The following NAALADL2 variants were observed in gnomAD, a reference collection of about 807,000 sequenced individuals.
The protein encoded by NAALADL2 is N-acetylated alpha-linked acidic dipeptidase like 2, also known as inactive N-acetylated-alpha-linked acidic dipeptidase-like protein 2.
In NAALADL2, 76 loss-of-function variants were observed where a neutral mutation model predicts 87.2. The ratio of observed to expected loss-of-function variants is 0.87; its 90% CI spans 0.72 to 1.05. The LOEUF (loss-of-function observed/expected upper bound fraction) is 1.05, where lower values mean the gene tolerates loss of function less well. Among genes scored for constraint, NAALADL2 ranks in the 50% least tolerant of loss-of-function variants. The pLI, the probability that NAALADL2 is intolerant of heterozygous loss-of-function variation, is 0.00. For missense variants in NAALADL2, 1,089 were observed against 945.8 expected (o/e 1.15, Z -1.99); for synonymous variants, 354 against 331.0 (o/e 1.07, Z -0.75).
In NAALADL2 at chr3:174,541,265, A is replaced by T. The variant is rs374987053; in HGVS notation, c.-183-9304A>T. Among the ~76,000 whole-genome samples the T allele has an allele frequency of 1.1e-4, 17 of 152,350 alleles. 1 individual carries two copies. The South Asian group carries it at 3.3e-3, about 30-fold the overall frequency. ...TTGGGAATGAAGTGAGATATGAGTT[A>T]TCAAGAGAATTTTCTCACAAATTCT... On this transcript the variant is annotated intron_variant, in intron 1 of 3. Coordinates refer to the NAALADL2 transcript ENST00000434257.
At chr3:175,419,522 T>C (rs1253671996) in intron 5 of NAALADL2, among the ~76,000 whole-genome samples, 2 of 152,126 alleles carry the variant, frequency 1.3e-5, no homozygotes, top group East Asian at 3.9e-4. Flanking sequence ...ACCATTTCTA[T>C]CTTCCAGTAT....
intron 5 of NAALADL2, among the ~76,000 whole-genome samples, chr3:175,356,122 T>C (rs1359306491): frequency 6.6e-6 from 1 of 152,160 alleles, no homozygotes; most frequent in Non-Finnish European, 1.5e-5. Context: ...CAGTGTTTAC[T>C]AAATGCCTTC....
In NAALADL2 at chr3:175,447,465, C is replaced by A. The variant is rs1428973089; in HGVS notation, c.1234+93C>A. 11 of 818,558 alleles carry A rather than the reference C, an allele frequency of 1.3e-5. No individual in the cohort carries two copies. In the East Asian group the frequency reaches 3.5e-4, roughly 26 times the overall value. 50.7% of individuals were successfully genotyped at this position (818,558 alleles called of 1,614,324 possible). ...CTAAATTGATGTATGTAGGATTATTCTTTTCAAAAACATTGACTTTTGATG... is the reference window on the plus strand; with the variant it reads ...CTAAATTGATGTATGTAGGATTATTATTTTCAAAAACATTGACTTTTGATG... On this transcript the variant is annotated intron_variant, in intron 6 of 13. Coordinates refer to ENST00000454872, the MANE Select transcript of NAALADL2 (RefSeq NM_207015.3).
chr3:175,474,826 T>G (rs1461798862), intron 9 of NAALADL2, among the ~76,000 whole-genome samples: 1 of 152,060 alleles, frequency 6.6e-6, no homozygotes, highest in African/African-American at 2.4e-5. Flanking sequence ...GAAGGTTTTT[T>G]CTTGTGTAGA....
chr3:174,521,151 T>C (rs77905644), intron 1 of NAALADL2, among the ~76,000 whole-genome samples: 12,142 of 152,186 alleles, frequency 0.08, 1,179 homozygotes, highest in East Asian at 0.42. Context: ...GCAATCCCAC[T>C]ACTGTTTATC....
At chr3:174,839,264 A>G (rs1723735425) in intron 3 of NAALADL2, among the ~76,000 whole-genome samples, 2 of 152,174 alleles carry the variant, frequency 1.3e-5, no homozygotes, top group South Asian at 4.1e-4. Context: ...TATTCAACAA[A>G]TGGTACTGGG....
chr3:174,504,295 A>C (rs73881188), intron 1 of NAALADL2, among the ~76,000 whole-genome samples: 1 of 152,112 alleles, frequency 6.6e-6, no homozygotes, highest in Admixed American at 6.5e-5. Context: ...CAATACCCCA[A>C]TGCAAATGTT....
chr3:175,787,346 G>A (rs1257179118), intron 13 of NAALADL2, among the ~76,000 whole-genome samples: 11 of 152,128 alleles, frequency 7.2e-5, no homozygotes, highest in Admixed American at 5.9e-4. Flanking sequence ...TCAGACTGCT[G>A]TGCTAGCAAT....
chr3:174,683,223 A>G (rs562405067), intron 2 of NAALADL2, among the ~76,000 whole-genome samples: 2 of 152,324 alleles, frequency 1.3e-5, no homozygotes, highest in South Asian at 4.1e-4. Flanking sequence ...AGACAAAAGA[A>G]AAAAGAATAA....
intron 5 of NAALADL2, among the ~76,000 whole-genome samples, chr3:175,389,976 G>A (rs62287979): frequency 0.22 from 33,184 of 152,038 alleles, 4,332 homozygotes; most frequent in East Asian, 0.47. Context: ...CAGAACAGAG[G>A]TGGTTATATT....
intron 5 of NAALADL2, among the ~76,000 whole-genome samples, chr3:175,392,977 T>C (rs2149027782): frequency 6.6e-6 from 1 of 152,290 alleles, no homozygotes; most frequent in South Asian, 2.1e-4. Flanking sequence ...TTCCAAGTTT[T>C]TTCATCTTTA....
At chr3:175,159,930 A>G (rs1732881893) in intron 2 of NAALADL2, among the ~76,000 whole-genome samples, 1 of 150,502 alleles carries the variant, frequency 6.6e-6, no homozygotes, top group Non-Finnish European at 1.5e-5. Flanking sequence ...TCTGCCTCCC[A>G]GCTTCAAGCA....
intron 2 of NAALADL2, among the ~76,000 whole-genome samples, chr3:175,210,330 T>G (rs1046731188): frequency 6.6e-6 from 1 of 151,772 alleles, no homozygotes; most frequent in African/African-American, 2.4e-5. Context: ...AAAAGAAACA[T>G]TCCATGTGAT....
chr3:175,284,078 A>G (rs1022858552), intron 4 of NAALADL2, among the ~76,000 whole-genome samples: 1 of 152,118 alleles, frequency 6.6e-6, no homozygotes, highest in South Asian at 2.1e-4. Context: ...TCTTCCCAAC[A>G]ATATTAGTGT....
chr3:174,878,292 A>G (rs921905386), intron 1 of NAALADL2, among the ~76,000 whole-genome samples: 1 of 152,234 alleles, frequency 6.6e-6, no homozygotes, highest in East Asian at 1.9e-4. Context: ...AAAGATTTCT[A>G]TATATTAGTT....
chr3:175,191,571 A>C (rs943016261), intron 2 of NAALADL2, among the ~76,000 whole-genome samples: 18 of 152,154 alleles, frequency 1.2e-4, no homozygotes, highest in African/African-American at 4.3e-4. Context: ...CCCCTGAATG[A>C]TATATTTGTG....
At chr3:175,541,970 C>T (rs1409539726) in intron 9 of NAALADL2, among the ~76,000 whole-genome samples, 2 of 152,174 alleles carry the variant, frequency 1.3e-5, no homozygotes, top group Non-Finnish European at 2.9e-5. Flanking sequence ...CCACCTGCCT[C>T]AGCCTCCCAA....
At chr3:175,026,719 A>G (rs1187600756) in intron 1 of NAALADL2, among the ~76,000 whole-genome samples, 1 of 151,982 alleles carries the variant, frequency 6.6e-6, no homozygotes. Context: ...AGATGAAAAA[A>G]TATCTCTGGT....
intron 9 of NAALADL2, among the ~76,000 whole-genome samples, chr3:175,519,793 AC>A (rs1560693855): frequency 1.3e-5 from 2 of 152,218 alleles, no homozygotes; most frequent in Admixed American, 6.5e-5. Flanking sequence ...ATATTAAAAT[AC>A]AATGCTTCTG....
Sources: allele counts gnomAD v4.1 joint callset (sites outside exome capture counted in the v4.1 genomes callset), GRCh38; gene constraint gnomAD v4.1.1; transcripts MANE v1.5; gene names NCBI Gene and HGNC (gene_info 2026-07-23, HGNC 2026-07-21).